Variants in BRINP3 observed in about 807,000 individuals in gnomAD.
BRINP3 encodes BMP/retinoic acid inducible neural specific 3, also known as BMP/retinoic acid-inducible neural-specific protein 3.
In BRINP3, 19 loss-of-function variants were observed where a neutral mutation model predicts 71.0. The observed-to-expected ratio is 0.27, with a 90% CI of 0.19 to 0.39. The LOEUF (loss-of-function observed/expected upper bound fraction) is 0.39, where lower values mean the gene tolerates loss of function less well. BRINP3 is among the 10% of genes least tolerant of loss of function. The pLI is 1.00. For synonymous variants in BRINP3, 380 were observed against 337.7 expected, an observed-to-expected ratio of 1.13 and a Z score of -1.37; for missense variants, 959 against 940.8, an observed-to-expected ratio of 1.02 and a Z score of -0.25.
chr1:190,281,733 T>G lies in BRINP3; in HGVS notation c.254A>C (p.Lys85Thr). The change falls in exon 3 of 8, where the codon AAA (lysine) becomes ACA (threonine). Residue 85 changes from lysine to threonine, a missense_variant. Coordinates refer to ENST00000367462, the MANE Select transcript of BRINP3 (RefSeq NM_199051.3). ...TCTCTCAACTGCAAGGTTATTTACTTTCCAGCGGCCAAACTCCCTGAAAAG... is the reference window on the plus strand; with the variant it reads ...TCTCTCAACTGCAAGGTTATTTACTGTCCAGCGGCCAAACTCCCTGAAAAG... ...YKIYREFGRWKVNNLAVERRN... is the reference protein window; with the variant it reads ...YKIYREFGRWTVNNLAVERRN... The G allele has an allele frequency of 1.9e-6, 3 of 1,609,650 alleles. No homozygotes were observed. The highest frequency in any genetic ancestry group is 1.7e-6 in the Non-Finnish European group (2 of 1,178,358).
chr1:190,397,647 G>C (rs1484999167), intron 2 of BRINP3, among the ~76,000 whole-genome samples: 1 of 151,900 alleles, frequency 6.6e-6, no homozygotes, highest in Non-Finnish European at 1.5e-5. Context: ...GTGAAATTTA[G>C]ATATCACCTG....
chr1:190,422,546 A>G (rs1222774966), intron 2 of BRINP3, among the ~76,000 whole-genome samples: 2 of 151,804 alleles, frequency 1.3e-5, no homozygotes, highest in Non-Finnish European at 2.9e-5. Context: ...TTCATCAGAA[A>G]TGTTCCCTGA....
At chr1:190,336,731 C>A (rs891619497) in intron 2 of BRINP3, among the ~76,000 whole-genome samples, 1 of 151,898 alleles carries the variant, frequency 6.6e-6, no homozygotes, top group African/African-American at 2.4e-5. Flanking sequence ...AAAGTGAATA[C>A]TAAGTAATAT....
At chr1:190,405,415 C>A (rs1468365790) in intron 2 of BRINP3, among the ~76,000 whole-genome samples, 1 of 123,536 alleles carries the variant, frequency 8.1e-6, no homozygotes, top group African/African-American at 3.1e-5. Flanking sequence ...AATGCCACTG[C>A]ACTCCAGCCT....
At chr1:190,471,915 C>T (rs566000077) in intron 1 of BRINP3, among the ~76,000 whole-genome samples, 146 of 151,378 alleles carry the variant, frequency 9.6e-4, no homozygotes, top group Non-Finnish European at 1.7e-3. Context: ...TTAAATTACA[C>T]ATATTGAAAC....
intron 1 of BRINP3, among the ~76,000 whole-genome samples, chr1:190,463,690 C>T (rs1280157124): frequency 2.6e-5 from 4 of 151,894 alleles, no homozygotes; most frequent in African/African-American, 9.6e-5. Context: ...CCTCATTATT[C>T]AATAATTTGT....
chr1:190,445,799 A>G (rs1224971949), intron 2 of BRINP3, among the ~76,000 whole-genome samples: 1 of 152,214 alleles, frequency 6.6e-6, no homozygotes, highest in Admixed American at 6.5e-5. Flanking sequence ...AGATAATGAA[A>G]ATGAAGAATT....
At chr1:190,258,049 A>T (rs1660828672) in intron 4 of BRINP3, among the ~76,000 whole-genome samples, 1 of 152,336 alleles carries the variant, frequency 6.6e-6, no homozygotes, top group Non-Finnish European at 1.5e-5. Context: ...AGTCTGCAGA[A>T]GTTTCTGCTG....
chr1:190,346,743 C>G (rs1449832542), intron 2 of BRINP3, among the ~76,000 whole-genome samples: 1 of 152,124 alleles, frequency 6.6e-6, no homozygotes, highest in Admixed American at 6.6e-5. Flanking sequence ...TCCTCCCTAA[C>G]AGCGATCTCT....
chr1:190,447,541 A>G (rs562553802), intron 2 of BRINP3, among the ~76,000 whole-genome samples: 1 of 147,152 alleles, frequency 6.8e-6, no homozygotes, highest in South Asian at 2.1e-4. Flanking sequence ...ATATATATAT[A>G]AAATATATAT....
chr1:190,325,409 T>G (rs1186082873), intron 2 of BRINP3, among the ~76,000 whole-genome samples: 1 of 151,954 alleles, frequency 6.6e-6, no homozygotes, highest in African/African-American at 2.4e-5. Flanking sequence ...TTAGCATACA[T>G]TGAAAAATGA....
At chr1:190,327,487 G>GAAAAAAAAAAAAAAAA (rs59406863) in intron 2 of BRINP3, among the ~76,000 whole-genome samples, 1 of 126,824 alleles carries the variant, frequency 7.9e-6, no homozygotes, top group Non-Finnish European at 1.7e-5. Flanking sequence ...CAAACAAAAA[G>GAAAAAAAAAAAAAAAA]AAAAAAAAAA....
chr1:190,121,874 C>G (rs988765995), intron 7 of BRINP3, among the ~76,000 whole-genome samples: 3 of 151,860 alleles, frequency 2.0e-5, no homozygotes, highest in Non-Finnish European at 4.4e-5. Flanking sequence ...TAAATAAATG[C>G]AAGAGGAATT....
chr1:190,151,571 G>T (rs1426678605), intron 7 of BRINP3, among the ~76,000 whole-genome samples: 1 of 152,108 alleles, frequency 6.6e-6, no homozygotes, highest in Admixed American at 6.6e-5. Context: ...AAATTGAGAT[G>T]AAAATCTCAG....
At chr1:190,323,597 C>CA (rs60597619) in intron 2 of BRINP3, among the ~76,000 whole-genome samples, 1,894 of 126,466 alleles carry the variant, frequency 0.015, 22 homozygotes, top group Middle Eastern at 0.043. Context: ...TAAGAAAATA[C>CA]AAAAAAAAAA....
chr1:190,254,815 T>A (rs1571526446), intron 4 of BRINP3, among the ~76,000 whole-genome samples: 1 of 152,196 alleles, frequency 6.6e-6, no homozygotes, highest in Non-Finnish European at 1.5e-5. Context: ...CTAAGTTGAA[T>A]AGGAGCAGTG....
chr1:190,190,078 G>C (rs1653899203), intron 6 of BRINP3, among the ~76,000 whole-genome samples: 1 of 152,148 alleles, frequency 6.6e-6, no homozygotes, highest in Admixed American at 6.5e-5. Context: ...AATGATATTA[G>C]TTGGTGATGA....
intron 6 of BRINP3, among the ~76,000 whole-genome samples, chr1:190,191,042 A>G (rs1170015415): frequency 1.3e-5 from 2 of 152,154 alleles, no homozygotes; most frequent in Non-Finnish European, 2.9e-5. Flanking sequence ...AATCAGAGCT[A>G]AAGCATTTAA....
At chr1:190,450,418 T>C (rs958347747) in intron 2 of BRINP3, among the ~76,000 whole-genome samples, 6 of 152,172 alleles carry the variant, frequency 3.9e-5, no homozygotes, top group Non-Finnish European at 8.8e-5. Context: ...ATTTTCTGTG[T>C]TGTTATGAGT....
Sources: gnomAD v4.1 joint callset for allele counts (sites outside exome capture counted in the v4.1 genomes callset) on GRCh38, gnomAD v4.1.1 for gene constraint, MANE v1.5 for transcripts, NCBI Gene and HGNC (gene_info 2026-07-23, HGNC 2026-07-21) for gene names.